Variants in RUFY3 observed in about 807,000 individuals in gnomAD.
The protein encoded by RUFY3 is protein RUFY3.
Under a neutral mutation model 84.0 loss-of-function variants are expected in RUFY3, and 34 were observed. That is an observed-to-expected ratio of 0.40 (90% CI 0.31 to 0.54). RUFY3 has a LOEUF of 0.54. RUFY3 is among the 20% of genes least tolerant of loss of function. The pLI, the probability that RUFY3 is intolerant of heterozygous loss-of-function variation, is 0.39. For missense variants in RUFY3, 507 were observed against 736.8 expected (o/e 0.69, Z 3.61); for synonymous variants, 242 against 252.9 (o/e 0.96, Z 0.41).
chr4:70,791,464 G>GT (rs1414829254), intron 12 of RUFY3: 32 of 1,362,114 alleles, frequency 2.3e-5, no homozygotes, highest in Non-Finnish European at 2.9e-5. Flanking sequence ...TATAGGTTGG[G>GT]TTTTTTTCTT....
chr4:70,716,126 GAAAAT>G lies in RUFY3; in HGVS notation c.358+10836_358+10840del, dbSNP rs562401377. 2.3e-3 allele frequency among the ~76,000 whole-genome samples: 343 copies of G among 151,322 alleles called. 1 individual carries two copies. The highest frequency in any genetic ancestry group is 0.017 in the Middle Eastern group (5 of 294). On this transcript the variant is annotated intron_variant, in intron 1 of 11. Coordinates refer to the RUFY3 transcript ENST00000417478. The stretch of plus-strand genomic sequence containing the variant: ...GAGACTCCATCTCAAAAAAAAAAAA[GAAAAT>G]AAATCAGAATGTGTTTTTGTTATTG...
chr4:70,728,162 T>C (rs538045289), intron 1 of RUFY3, among the ~76,000 whole-genome samples: 1 of 152,310 alleles, frequency 6.6e-6, no homozygotes, highest in South Asian at 2.1e-4. Context: ...CTACTGAACT[T>C]AATAGCTTAA....
rs114342432 is a variant in RUFY3, at chr4:70,724,942, T to A, written c.178+2191T>A. Among the ~76,000 whole-genome samples, 1,108 of 152,340 alleles carry A rather than the reference T, an allele frequency of 7.3e-3. 14 individuals are homozygous for A. The highest frequency in any genetic ancestry group is 0.025 in the African/African-American group (1,050 of 41,582). ...CATGATTATGTGAATCTCACCTTGT[T>A]CACAAAATGGAACTCCTGATGTCTG... is the stretch of plus-strand genomic sequence containing the variant. On this transcript the variant is annotated intron_variant, in intron 1 of 17. Coordinates refer to ENST00000381006, the MANE Select transcript of RUFY3 (RefSeq NM_001037442.4).
chr4:70,780,510 C>T (rs982291997), intron 8 of RUFY3, among the ~76,000 whole-genome samples: 1 of 152,164 alleles, frequency 6.6e-6, no homozygotes, highest in African/African-American at 2.4e-5. Flanking sequence ...CCAGGCTGGT[C>T]TTGAGCTCCC....
At chr4:70,803,801 C>T (rs1732535108) in intron 16 of RUFY3, among the ~76,000 whole-genome samples, 1 of 151,834 alleles carries the variant, frequency 6.6e-6, no homozygotes. Context: ...CAGCTCACTG[C>T]AACCTCCGCC....
At chr4:70,787,985 G>A (rs547451059) in intron 10 of RUFY3, among the ~76,000 whole-genome samples, 1 of 152,052 alleles carries the variant, frequency 6.6e-6, no homozygotes, top group African/African-American at 2.4e-5. Context: ...CATGTTAAGT[G>A]AACTAAAAAT....
At chr4:70,776,085 G>A (rs1727920822) in intron 7 of RUFY3, among the ~76,000 whole-genome samples, 1 of 151,982 alleles carries the variant, frequency 6.6e-6, no homozygotes, top group Non-Finnish European at 1.5e-5. Context: ...TATTCACAAA[G>A]TACAGTAGTT....
At chr4:70,803,032 G>A (rs115699850) in intron 16 of RUFY3, 49 bp downstream of exon 16, 327 of 1,452,152 alleles carry the variant, frequency 2.3e-4, no homozygotes, top group Non-Finnish European at 2.9e-4. Context: ...TATGAAGTTG[G>A]TTGTACCGTG....
intron 14 of RUFY3, chr4:70,799,828 AT>A: frequency 4.0e-6 from 1 of 252,536 alleles, no homozygotes; most frequent in Non-Finnish European, 7.3e-6. Context: ...GAAAAAAAAA[AT>A]TATACTTCCC....
rs1024541817 is a variant in RUFY3, at chr4:70,793,212, A to G, written c.1338-573A>G. The G allele has an allele frequency of 7.1e-6, 7 of 986,170 alleles. No individual in the cohort carries two copies. In the African/African-American group the frequency reaches 1.2e-4, roughly 17 times the overall value. 61.1% of individuals were successfully genotyped at this position (986,170 alleles called of 1,614,324 possible). A position where few individuals can be genotyped will look rare whatever the true frequency, so the allele number is the denominator to read the frequency against. Reference sequence around the variant, plus strand: ...GGAATGGGAAAGGAAGGAGACAGCCAAACTCTGACAAAGGCTTTTCCTTAT... The same window carrying G: ...GGAATGGGAAAGGAAGGAGACAGCCGAACTCTGACAAAGGCTTTTCCTTAT... On this transcript the variant is annotated intron_variant, in intron 12 of 17. Coordinates refer to ENST00000381006, the MANE Select transcript of RUFY3 (RefSeq NM_001037442.4).
At chr4:70,737,397 A>G (rs1720489002) in intron 1 of RUFY3, among the ~76,000 whole-genome samples, 1 of 152,226 alleles carries the variant, frequency 6.6e-6, no homozygotes, top group South Asian at 2.1e-4. Flanking sequence ...TTATACAGAT[A>G]TAAAACTAAG....
At chr4:70,796,635 C>G (rs912500679) in intron 14 of RUFY3, among the ~76,000 whole-genome samples, 14 of 152,342 alleles carry the variant, frequency 9.2e-5, no homozygotes, top group Non-Finnish European at 1.0e-4. Context: ...ATTGTTTCTA[C>G]TGTTAATTGT....
At chr4:70,742,734 G>A (rs990431514) in intron 1 of RUFY3, among the ~76,000 whole-genome samples, 2 of 152,148 alleles carry the variant, frequency 1.3e-5, no homozygotes, top group Admixed American at 6.5e-5. Context: ...GACCTGGGAC[G>A]AGTACTGCCC....
At chr4:70,769,265 A>G (rs1413770624) in intron 5 of RUFY3, among the ~76,000 whole-genome samples, 1 of 152,126 alleles carries the variant, frequency 6.6e-6, no homozygotes, top group Non-Finnish European at 1.5e-5. Flanking sequence ...AGTCGAGGCT[A>G]TAGTTAGCCA....
chr4:70,721,017 A>T (rs912046115), upstream of RUFY3, among the ~76,000 whole-genome samples: 3 of 152,060 alleles, frequency 2.0e-5, no homozygotes, highest in Non-Finnish European at 2.9e-5. Context: ...GCTTAGAAAC[A>T]TATTTCATGC....
chr4:70,755,752 C>A (rs907404601), intron 1 of RUFY3, among the ~76,000 whole-genome samples: 2 of 152,106 alleles, frequency 1.3e-5, no homozygotes, highest in Admixed American at 1.3e-4. Context: ...GAGATCAAGA[C>A]CATCCTGGCT....
intron 1 of RUFY3, among the ~76,000 whole-genome samples, chr4:70,707,434 C>G (rs1298500734): frequency 6.6e-6 from 1 of 152,054 alleles, no homozygotes; most frequent in Admixed American, 6.6e-5. Flanking sequence ...TTAGTAGAGA[C>G]GAGGTTTCAC....
intron 1 of RUFY3, among the ~76,000 whole-genome samples, chr4:70,753,345 T>C (rs1723443795): frequency 6.6e-6 from 1 of 152,186 alleles, no homozygotes; most frequent in African/African-American, 2.4e-5. Flanking sequence ...AACTTTGGAT[T>C]TTATTGATTT....
In RUFY3 at chr4:70,713,518, G is replaced by A. The variant is rs375405756; in HGVS notation, c.358+8224G>A. 1.3e-3 allele frequency among the ~76,000 whole-genome samples: 202 copies of A among 151,986 alleles called. 1 individual carries two copies. The highest frequency in any genetic ancestry group is 4.4e-3 in the African/African-American group (183 of 41,422). ...TTATCTGACATGCTCCCTACCGACC[G>A]GACAAGATACTCAGCTTTGTCAGAG... is the stretch of plus-strand genomic sequence containing the variant. On this transcript the variant is annotated intron_variant, in intron 1 of 11. Coordinates refer to the RUFY3 transcript ENST00000417478.
Sources: gnomAD v4.1 joint callset for allele counts (sites outside exome capture counted in the v4.1 genomes callset) on GRCh38, gnomAD v4.1.1 for gene constraint, MANE v1.5 for transcripts, NCBI Gene and HGNC (gene_info 2026-07-23, HGNC 2026-07-21) for gene names.